The following ATP8B4 variants were observed in gnomAD, a reference collection of about 807,000 sequenced individuals.
ATP8B4 encodes ATPase phospholipid transporting 8B4 (putative).
Under a neutral mutation model 145.6 loss-of-function variants are expected in ATP8B4, and 133 were observed. That is an observed-to-expected ratio of 0.91 (90% CI 0.79 to 1.05). The LOEUF (loss-of-function observed/expected upper bound fraction) is 1.05, where lower values mean the gene tolerates loss of function less well. Ranked by LOEUF, ATP8B4 falls within the 50% of genes least tolerant of loss-of-function variation. The probability of loss-of-function intolerance (pLI) is 0.00; values close to 1 mark genes in which losing one functional copy is unlikely to be tolerated. For missense variants in ATP8B4, 1,458 were observed against 1,425.2 expected, an observed-to-expected ratio of 1.02 and a Z score of -0.37; for synonymous variants, 507 against 492.9, an observed-to-expected ratio of 1.03 and a Z score of -0.38.
chr15:50,145,998 A>C, intron 1 of ATP8B4, among the ~76,000 whole-genome samples: 1 of 148,498 alleles, frequency 6.7e-6, no homozygotes. Flanking sequence ...TTACTCTTGA[A>C]CCACATAAAT....
chr15:50,019,828 T>C (rs753024524), intron 6 of ATP8B4, among the ~76,000 whole-genome samples: 15 of 152,192 alleles, frequency 9.9e-5, no homozygotes, highest in Non-Finnish European at 1.9e-4. Context: ...GTTTTCCTCT[T>C]ATTTCATTAG....
chr15:49,984,541 G>A (rs1176242600), intron 10 of ATP8B4, among the ~76,000 whole-genome samples: 1 of 152,148 alleles, frequency 6.6e-6, no homozygotes, highest in Non-Finnish European at 1.5e-5. Flanking sequence ...GGAAAGAGGT[G>A]ACAGGAATTT....
At chr15:50,155,871 G>T (rs530476331) in intron 1 of ATP8B4, among the ~76,000 whole-genome samples, 143 of 151,568 alleles carry the variant, frequency 9.4e-4, no homozygotes, top group African/African-American at 3.3e-3. Context: ...AATTTTATTT[G>T]CCCCAATAGG....
At chr15:49,939,185 C>CAA (rs138763269) in intron 14 of ATP8B4, among the ~76,000 whole-genome samples, 4 of 151,232 alleles carry the variant, frequency 2.6e-5, no homozygotes, top group Non-Finnish European at 4.4e-5. Context: ...CGCATACCTA[C>CAA]AAAAAAAAGA....
intron 13 of ATP8B4, among the ~76,000 whole-genome samples, chr15:49,963,309 C>T (rs1268858376): frequency 6.6e-6 from 1 of 151,898 alleles, no homozygotes; most frequent in East Asian, 1.9e-4. Context: ...GAAACTCTTA[C>T]AGTGGGACTG....
chr15:49,981,103 A>T, intron 11 of ATP8B4, 103 bp downstream of exon 11: 1 of 971,462 alleles, frequency 1.0e-6, no homozygotes, highest in Non-Finnish European at 1.5e-6. Context: ...CCAAAAACAA[A>T]CTCCACAAGG....
chr15:50,008,262 G>A (rs1281583204), intron 7 of ATP8B4, among the ~76,000 whole-genome samples: 2 of 152,180 alleles, frequency 1.3e-5, no homozygotes, highest in African/African-American at 4.8e-5. Context: ...CCTAGGTCAT[G>A]TGGCGCCACT....
chr15:49,979,135 A>G (rs2045942075), intron 12 of ATP8B4, among the ~76,000 whole-genome samples: 2 of 152,040 alleles, frequency 1.3e-5, no homozygotes, highest in Admixed American at 1.3e-4. Flanking sequence ...TAGAACTATT[A>G]TTTTCTTCAT....
intron 1 of ATP8B4, among the ~76,000 whole-genome samples, chr15:50,134,649 T>C (rs1368801520): frequency 6.6e-6 from 1 of 152,164 alleles, no homozygotes; most frequent in African/African-American, 2.4e-5. Flanking sequence ...TCCTAGTACA[T>C]GACAATAATA....
intron 6 of ATP8B4, among the ~76,000 whole-genome samples, chr15:50,017,686 T>C (rs1282206367): frequency 6.6e-6 from 1 of 152,174 alleles, no homozygotes; most frequent in Non-Finnish European, 1.5e-5. Flanking sequence ...CTGCCTTACA[T>C]GTCAACTAAT....
intron 2 of ATP8B4, among the ~76,000 whole-genome samples, chr15:50,081,928 C>T (rs1280573230): frequency 6.6e-6 from 1 of 152,204 alleles, no homozygotes; most frequent in African/African-American, 2.4e-5. Context: ...CTATATAGAA[C>T]TCAGTGATAA....
chr15:50,124,652 C>T (rs2057295702), intron 1 of ATP8B4, among the ~76,000 whole-genome samples: 1 of 152,058 alleles, frequency 6.6e-6, no homozygotes. Context: ...TAAATGTCAC[C>T]TCTGGGAACC....
chr15:49,899,645 CTCTT>C (rs2037805875), intron 21 of ATP8B4, among the ~76,000 whole-genome samples: 4 of 152,064 alleles, frequency 2.6e-5, no homozygotes, highest in African/African-American at 9.7e-5. Context: ...CTCTCTCTCT[CTCTT>C]TTTTATTATC....
chr15:49,876,595 A>C (rs1404404435), intron 24 of ATP8B4, 72 bp from the exon 25 acceptor site: 3 of 1,580,856 alleles, frequency 1.9e-6, no homozygotes, highest in Non-Finnish European at 2.6e-6. Context: ...CCCTATCTTC[A>C]GAAATAGCAA....
At chr15:50,080,476 TC>T (rs2054471163) in intron 2 of ATP8B4, among the ~76,000 whole-genome samples, 1 of 152,114 alleles carries the variant, frequency 6.6e-6, no homozygotes, top group African/African-American at 2.4e-5. Context: ...CAAAACTATA[TC>T]CACTTATGCT....
At chr15:50,172,940 C>T (rs1157742730) in intron 1 of ATP8B4, among the ~76,000 whole-genome samples, 20 of 122,886 alleles carry the variant, frequency 1.6e-4, no homozygotes, top group Non-Finnish European at 1.7e-4. Flanking sequence ...GGAGCGTCTC[C>T]GCCCGGCAGC....
chr15:49,874,843 A>T (rs2034160110), intron 25 of ATP8B4, among the ~76,000 whole-genome samples: 3 of 152,186 alleles, frequency 2.0e-5, no homozygotes, highest in Non-Finnish European at 2.9e-5. Flanking sequence ...GAGAAAGTAG[A>T]AATGTGATTT....
At chr15:50,054,783 C>CAAAAAAAAAAAA (rs55783703) in intron 3 of ATP8B4, among the ~76,000 whole-genome samples, 1 of 81,838 alleles carries the variant, frequency 1.2e-5, no homozygotes, top group Non-Finnish European at 2.2e-5. Flanking sequence ...GACTCCGCCT[C>CAAAAAAAAAAAA]AAAAAAAAAA....
intron 21 of ATP8B4, 136 bp downstream of exon 21, chr15:49,900,956 G>A (rs2037956054): frequency 2.6e-6 from 3 of 1,143,972 alleles, no homozygotes; most frequent in Admixed American, 2.6e-5. Flanking sequence ...TTGCAAACAG[G>A]AAATCATCGC....
Sources: gnomAD v4.1 joint callset for allele counts (sites outside exome capture counted in the v4.1 genomes callset) on GRCh38, gnomAD v4.1.1 for gene constraint, MANE v1.5 for transcripts, NCBI Gene and HGNC (gene_info 2026-07-23, HGNC 2026-07-21) for gene names.